Variants in NPAS3 observed in about 807,000 individuals in gnomAD.
NPAS3 encodes the protein neuronal PAS domain-containing protein 3.
Under a neutral mutation model 73.1 loss-of-function variants are expected in NPAS3, and 14 were observed. That is an observed-to-expected ratio of 0.19 (90% CI 0.13 to 0.30). The LOEUF is 0.30. Among genes scored for constraint, NPAS3 ranks in the 10% least tolerant of loss-of-function variants. The pLI, the probability that NPAS3 is intolerant of heterozygous loss-of-function variation, is 1.00. For missense variants in NPAS3, 1,096 were observed against 1,250.0 expected (o/e 0.88, Z 1.86); for synonymous variants, 620 against 541.5 (o/e 1.14, Z -2.01).
intron 7 of NPAS3, among the ~76,000 whole-genome samples, chr14:33,736,018 T>G (rs2061515814): frequency 6.6e-6 from 1 of 152,224 alleles, no homozygotes; most frequent in South Asian, 2.1e-4. Context: ...TTAAGACCTA[T>G]GAAATTCATG....
chr14:33,034,707 T>A (rs1235305672), intron 1 of NPAS3, among the ~76,000 whole-genome samples: 1 of 152,156 alleles, frequency 6.6e-6, no homozygotes, highest in African/African-American at 2.4e-5. Flanking sequence ...TTCAACTTAG[T>A]AACCCCAGAT....
intron 1 of NPAS3, among the ~76,000 whole-genome samples, chr14:33,011,343 C>T (rs993061667): frequency 6.6e-6 from 1 of 152,168 alleles, no homozygotes; most frequent in Admixed American, 6.5e-5. Flanking sequence ...AATGTGGGGA[C>T]CAGCCCTGGA....
rs574534313 is a variant in NPAS3 at position 33,630,247 on chromosome 14, G to T, written c.559-45964G>T. ...GTTTGGAGTGGATAATTTGAGGGGGGTCTCTTTTGCACAACTTGTGGAAAA... is the reference window on the plus strand; with the variant it reads ...GTTTGGAGTGGATAATTTGAGGGGGTTCTCTTTTGCACAACTTGTGGAAAA... On this transcript the variant is annotated intron_variant, in intron 5 of 11. Transcript: ENST00000356141. Among the ~76,000 whole-genome samples the T allele has an allele frequency of 1.3e-3, 196 of 152,272 alleles. 1 individual carries two copies. The highest frequency in any genetic ancestry group is 2.3e-3 in the Non-Finnish European group (159 of 68,018).
intron 2 of NPAS3, among the ~76,000 whole-genome samples, chr14:33,183,390 C>T (rs1314623919): frequency 2.1e-5 from 3 of 141,928 alleles, no homozygotes; most frequent in African/African-American, 5.4e-5. Flanking sequence ...TACACCAGTG[C>T]ACTCCAGCCT....
chr14:33,351,146 T>C (rs1329274484), intron 3 of NPAS3, among the ~76,000 whole-genome samples: 3 of 152,220 alleles, frequency 2.0e-5, no homozygotes, highest in African/African-American at 7.2e-5. Flanking sequence ...TTTTTCTTTA[T>C]TTTTAGCTCT....
At chr14:33,502,111 T>G (rs1242334615) in intron 4 of NPAS3, among the ~76,000 whole-genome samples, 1 of 151,978 alleles carries the variant, frequency 6.6e-6, no homozygotes, top group Non-Finnish European at 1.5e-5. Context: ...AAATGATCTT[T>G]GTACTTATTT....
At chr14:33,214,376 G>A (rs1280264986) in intron 2 of NPAS3, 4 of 152,178 alleles carry the variant, frequency 2.6e-5, no homozygotes, top group Non-Finnish European at 2.9e-5. Context: ...TGCCTCTTCT[G>A]GGAAGTAATA....
intron 4 of NPAS3, among the ~76,000 whole-genome samples, chr14:33,479,823 A>T (rs1342456663): frequency 6.6e-6 from 1 of 152,084 alleles, no homozygotes; most frequent in African/African-American, 2.4e-5. Flanking sequence ...TTTTGACAGG[A>T]TGCAATTTTT....
At chr14:33,231,265 T>G (rs1306892541) in intron 3 of NPAS3, among the ~76,000 whole-genome samples, 1 of 152,222 alleles carries the variant, frequency 6.6e-6, no homozygotes, top group Non-Finnish European at 1.5e-5. Context: ...AATTTGTATT[T>G]TGTAAAATCA....
intron 1 of NPAS3, among the ~76,000 whole-genome samples, chr14:33,045,346 C>T (rs1298044710): frequency 1.3e-5 from 2 of 152,174 alleles, no homozygotes; most frequent in Non-Finnish European, 2.9e-5. Context: ...GTTTCCTCCT[C>T]CCCACCTTTC....
chr14:33,747,315 A>C (rs2140734299), intron 7 of NPAS3, among the ~76,000 whole-genome samples: 1 of 152,360 alleles, frequency 6.6e-6, no homozygotes, highest in African/African-American at 2.4e-5. Context: ...GGAAATCATC[A>C]TTCTCAGTAA....
intron 2 of NPAS3, among the ~76,000 whole-genome samples, chr14:33,161,087 C>T (rs1159124294): frequency 6.6e-6 from 1 of 152,178 alleles, no homozygotes; most frequent in Non-Finnish European, 1.5e-5. Context: ...TGTTCATGCT[C>T]TGGCAGTGAC....
At chr14:33,263,869 T>C (rs1057173433) in intron 3 of NPAS3, among the ~76,000 whole-genome samples, 6 of 152,212 alleles carry the variant, frequency 3.9e-5, no homozygotes, top group African/African-American at 1.4e-4. Context: ...AGGTATTTTA[T>C]TCTCTTTGAA....
intron 2 of NPAS3, among the ~76,000 whole-genome samples, chr14:33,200,012 A>AG (rs1214599702): frequency 7.0e-6 from 1 of 143,038 alleles, no homozygotes; most frequent in Non-Finnish European, 1.5e-5. Context: ...ACTTATTTTG[A>AG]GGGGACTACA....
chr14:33,181,591 G>A (rs2045802070), intron 2 of NPAS3, among the ~76,000 whole-genome samples: 1 of 152,216 alleles, frequency 6.6e-6, no homozygotes, highest in Non-Finnish European at 1.5e-5. Flanking sequence ...GAAAAATTTA[G>A]TAGTTGGGTA....
intron 5 of NPAS3, among the ~76,000 whole-genome samples, chr14:33,660,597 C>T (rs879584067): frequency 2.6e-5 from 4 of 152,178 alleles, no homozygotes; most frequent in Non-Finnish European, 5.9e-5. Flanking sequence ...TATTCTGTCC[C>T]GCTAGATGCA....
intron 7 of NPAS3, among the ~76,000 whole-genome samples, chr14:33,756,449 G>A (rs1469602587): frequency 6.6e-6 from 1 of 152,214 alleles, no homozygotes; most frequent in Non-Finnish European, 1.5e-5. Flanking sequence ...CAGACAGATT[G>A]AGACTGCTCA....
At chr14:33,603,026 T>C (rs1348195003) in intron 5 of NPAS3, among the ~76,000 whole-genome samples, 1 of 152,202 alleles carries the variant, frequency 6.6e-6, no homozygotes, top group African/African-American at 2.4e-5. Flanking sequence ...AGCAGGAATA[T>C]ATAGGCTACA....
chr14:33,642,626 A>G (rs947001248), intron 5 of NPAS3, among the ~76,000 whole-genome samples: 1 of 152,190 alleles, frequency 6.6e-6, no homozygotes, highest in African/African-American at 2.4e-5. Flanking sequence ...GGGGAAAATA[A>G]ATGCAATTTT....
Sources: gnomAD v4.1 joint callset for allele counts (sites outside exome capture counted in the v4.1 genomes callset) on GRCh38, gnomAD v4.1.1 for gene constraint, MANE v1.5 for transcripts, NCBI Gene and HGNC (gene_info 2026-07-23, HGNC 2026-07-21) for gene names.